Variants in COL6A5 observed in about 807,000 individuals in gnomAD.
COL6A5 encodes collagen type VI alpha 5 chain.
Under a neutral mutation model 65.6 loss-of-function variants are expected in COL6A5, and 48 were observed. That is an observed-to-expected ratio of 0.73 (90% confidence interval 0.58 to 0.93). COL6A5 has a LOEUF of 0.93. COL6A5 is among the 40% of genes least tolerant of loss of function. COL6A5 has a pLI of 0.00. For synonymous variants in COL6A5, 291 were observed against 322.8 expected (o/e 0.90, Z 1.05); for missense variants, 914 against 928.3 (o/e 0.98, Z 0.20).
intron 4 of COL6A5, among the ~76,000 whole-genome samples, chr3:130,383,387 A>G (rs974537812): frequency 6.6e-6 from 1 of 152,080 alleles, no homozygotes; most frequent in Non-Finnish European, 1.5e-5. Flanking sequence ...GCATTGCTAC[A>G]GTTACCTACT....
chr3:130,446,020 G>C (rs1709295290), intron 4 of COL6A5, among the ~76,000 whole-genome samples: 1 of 152,116 alleles, frequency 6.6e-6, no homozygotes, highest in Non-Finnish European at 1.5e-5. Flanking sequence ...TGTTTTAAAG[G>C]AGAAATGGAG....
chr3:130,397,859 T>C, exon 9 of COL6A5: 3 of 1,551,752 alleles, frequency 1.9e-6, no homozygotes, highest in Middle Eastern at 1.7e-4. Flanking sequence ...CCAACTCATC[T>C]GAACGCACAG....
At chr3:130,408,446 C>T (rs902089469) in intron 17 of COL6A5, among the ~76,000 whole-genome samples, 19 of 152,238 alleles carry the variant, frequency 1.2e-4, no homozygotes, top group East Asian at 3.9e-4. Flanking sequence ...TGTCTGCTCG[C>T]GAACACTGTT....
At chr3:130,468,616 C>T (rs1402885082) in intron 5 of COL6A5, among the ~76,000 whole-genome samples, 179 bp from the exon 38 acceptor site, 1 of 151,968 alleles carries the variant, frequency 6.6e-6, no homozygotes, top group East Asian at 1.9e-4. Flanking sequence ...TCTGCATGCG[C>T]TATGTGGGTA....
chr3:130,431,788 A>G, exon 1 of COL6A5: 1 of 1,551,610 alleles, frequency 6.4e-7, no homozygotes, highest in Non-Finnish European at 8.7e-7. Context: ...GTTCAAGCGG[A>G]CGTATGCAGG....
At chr3:130,393,098 G>T (rs1402784824) in intron 7 of COL6A5, among the ~76,000 whole-genome samples, 103 of 149,968 alleles carry the variant, frequency 6.9e-4, no homozygotes, top group Non-Finnish European at 1.2e-3. Flanking sequence ...GTGTGTGTGT[G>T]TGTGTTTTTC....
exon 7 of COL6A5, chr3:130,391,591 C>T: frequency 6.4e-7 from 1 of 1,551,640 alleles, no homozygotes; most frequent in Non-Finnish European, 8.7e-7. Context: ...AACTGAGAAA[C>T]AAAGGCATCA....
At chr3:130,391,107 G>T (rs1936381905) in intron 6 of COL6A5, 72 bp from the exon 7 acceptor site, 1 of 1,077,250 alleles carries the variant, frequency 9.3e-7, no homozygotes, top group Non-Finnish European at 1.3e-6. Context: ...ATGCCAGTTC[G>T]CTTCCCTTCT....
At chr3:130,389,079 C>T (rs370519186) in exon 6 of COL6A5, 74 of 1,476,810 alleles carry the variant, frequency 5.0e-5, no homozygotes, top group African/African-American at 4.4e-4. Context: ...TTGAGAACTT[C>T]GATCATCTAA....
chr3:130,396,081 A>G (rs1250464472), intron 8 of COL6A5, among the ~76,000 whole-genome samples: 2 of 152,352 alleles, frequency 1.3e-5, no homozygotes, highest in South Asian at 2.1e-4. Flanking sequence ...GTATGAGGAC[A>G]GTGAACTGAA....
At chr3:130,466,478 C>T (rs766949875) in intron 5 of COL6A5, among the ~76,000 whole-genome samples, 10 of 151,712 alleles carry the variant, frequency 6.6e-5, no homozygotes, top group Middle Eastern at 3.2e-3. Flanking sequence ...GCAGTACTTA[C>T]GGGAAAATAA....
intron 1 of COL6A5, 48 bp from the exon 34 acceptor site, chr3:130,439,474 T>C: frequency 6.4e-6 from 9 of 1,396,610 alleles, no homozygotes; most frequent in Non-Finnish European, 7.9e-6. Context: ...TTCCTACTAG[T>C]GACTAAAAAC....
intron 6 of COL6A5, 86 bp downstream of exon 6, chr3:130,389,220 A>G (rs57575291): frequency 0.25 from 212,700 of 861,362 alleles, 31,354 homozygotes; most frequent in East Asian, 0.67. Context: ...TCTGGCCCTG[A>G]CCTCCACCTG....
chr3:130,428,741 G>A (rs561050462), upstream of COL6A5, among the ~76,000 whole-genome samples: 1 of 152,208 alleles, frequency 6.6e-6, no homozygotes, highest in Non-Finnish European at 1.5e-5. Context: ...TATGTGTGCT[G>A]TCTGATGGCA....
In COL6A5 at chr3:130,471,092, G is replaced by GTGT. The variant is rs1709941943; in HGVS notation, c.2328+126_2328+128dup. 4 of 696,278 alleles carry GTGT rather than the reference G, an allele frequency of 5.7e-6. No individual in the cohort carries two copies. The Admixed American group carries it at 9.2e-5, about 16-fold the overall frequency. The allele number at this position is 696,278 out of a possible 1,614,324, so 43.1% of individuals were successfully genotyped here. On this transcript the variant is annotated intron_variant, in intron 7 of 7. Coordinates refer to ENST00000512836, the Ensembl canonical transcript of COL6A5. ...TGTGTTTTTGTGTGTGTGTGTGTGTGTGTGTGTGTTTTAAATGCTACTCGT... is the reference window on the plus strand; with the variant it reads ...TGTGTTTTTGTGTGTGTGTGTGTGTGTGTTGTGTGTGTTTTAAATGCTACTCGT...
intron 6 of COL6A5, 82 bp downstream of exon 6, chr3:130,389,216 C>T (rs1297358856): frequency 1.1e-6 from 1 of 936,468 alleles, no homozygotes; most frequent in South Asian, 4.2e-5. Flanking sequence ...GCACTCTGGC[C>T]CTGACCTCCA....
At chr3:130,436,148 A>C (rs1709029381) in intron 1 of COL6A5, among the ~76,000 whole-genome samples, 1 of 152,064 alleles carries the variant, frequency 6.6e-6, no homozygotes, top group South Asian at 2.1e-4. Context: ...TCTTTTTAAA[A>C]ATTACCCATG....
At chr3:130,388,447 T>C (rs1936274288) in intron 5 of COL6A5, 133 bp from the exon 6 acceptor site, 1 of 760,178 alleles carries the variant, frequency 1.3e-6, no homozygotes. Context: ...AAATACAATT[T>C]TCAAACATAA....
intron 22 of COL6A5, among the ~76,000 whole-genome samples, chr3:130,414,526 A>C (rs1937282305): frequency 6.6e-6 from 1 of 152,148 alleles, no homozygotes; most frequent in Non-Finnish European, 1.5e-5. Context: ...GACTTGCTTA[A>C]AGCTAACTCT....
Sources: gnomAD v4.1 joint callset for allele counts (sites outside exome capture counted in the v4.1 genomes callset) on GRCh38, gnomAD v4.1.1 for gene constraint, MANE v1.5 for transcripts, NCBI Gene and HGNC (gene_info 2026-07-23, HGNC 2026-07-21) for gene names.